The following CACNA1D variants were observed in gnomAD, a reference collection of about 807,000 sequenced individuals.
CACNA1D encodes the protein calcium voltage-gated channel subunit alpha1 D, also known as voltage-dependent L-type calcium channel subunit alpha-1D.
Under a neutral mutation model 257.1 loss-of-function variants are expected in CACNA1D, and 55 were observed. The ratio of observed to expected loss-of-function variants is 0.21; its 90% confidence interval spans 0.17 to 0.27. CACNA1D has a LOEUF of 0.27. CACNA1D is among the 10% of genes least tolerant of loss of function. The pLI is 1.00. For synonymous variants in CACNA1D, 980 were observed against 1,014.9 expected (o/e 0.97, Z 0.65); for missense variants, 1,876 against 2,784.0 (o/e 0.67, Z 7.34).
At chr3:53,733,862 C>CT (rs1199612005) in intron 19 of CACNA1D, among the ~76,000 whole-genome samples, 1 of 142,974 alleles carries the variant, frequency 7.0e-6, no homozygotes, top group Non-Finnish European at 1.5e-5. Context: ...TTTGGGTGTT[C>CT]TTTAAAAAAA....
chr3:53,790,846 G>A (rs539342696), intron 40 of CACNA1D: 55 of 640,952 alleles, frequency 8.6e-5, no homozygotes, highest in Non-Finnish European at 1.4e-4. Context: ...GTGGAGTTTT[G>A]TTTTGTTATT....
At chr3:53,733,966 A>G (rs1347821890) in intron 19 of CACNA1D, among the ~76,000 whole-genome samples, 2 of 140,342 alleles carry the variant, frequency 1.4e-5, no homozygotes, top group African/African-American at 5.5e-5. Context: ...GTATGTATGT[A>G]TGTATATGTA....
intron 3 of CACNA1D, among the ~76,000 whole-genome samples, chr3:53,543,090 T>C (rs1399815345): frequency 2.0e-5 from 2 of 102,132 alleles, no homozygotes; most frequent in Admixed American, 1.9e-4. Context: ...AATAATAAAA[T>C]TAAAAAAAAA....
At chr3:53,567,446 A>T (rs939497450) in intron 3 of CACNA1D, among the ~76,000 whole-genome samples, 4 of 152,216 alleles carry the variant, frequency 2.6e-5, no homozygotes, top group African/African-American at 9.6e-5. Context: ...TCAGACCTCA[A>T]AGTCTCTTCT....
chr3:53,758,089 G>C (rs533864897), intron 29 of CACNA1D, among the ~76,000 whole-genome samples: 1 of 152,194 alleles, frequency 6.6e-6, no homozygotes, highest in Non-Finnish European at 1.5e-5. Flanking sequence ...GATGATCCTG[G>C]AAGTGCAGCC....
Position 53,579,935 on chromosome 3 carries a change from A to C in CACNA1D, c.484-70844A>C, listed in dbSNP as rs569461057. Among the ~76,000 whole-genome samples the C allele has an allele frequency of 2.0e-5, 3 of 152,384 alleles. No homozygotes were observed. In the South Asian group the frequency reaches 6.2e-4, roughly 32 times the overall value. On this transcript the variant is annotated intron_variant, in intron 3 of 47. Coordinates refer to ENST00000350061, the MANE Select transcript of CACNA1D (RefSeq NM_001128840.3). Reference sequence around the variant, plus strand: ...GAAGCCGCTGATGGCCAGTGGGGCCAGGGCAGGGCTTGCGAAAAGATTCAA... The same window carrying C: ...GAAGCCGCTGATGGCCAGTGGGGCCCGGGCAGGGCTTGCGAAAAGATTCAA...
At chr3:53,671,365 C>T (rs905563665) in intron 7 of CACNA1D, among the ~76,000 whole-genome samples, 3 of 152,212 alleles carry the variant, frequency 2.0e-5, no homozygotes, top group African/African-American at 7.2e-5. Context: ...CTGCTGCATG[C>T]ACCTCTGTTC....
chr3:53,645,873 G>A (rs1430354879), intron 3 of CACNA1D, among the ~76,000 whole-genome samples: 1 of 152,142 alleles, frequency 6.6e-6, no homozygotes, highest in Non-Finnish European at 1.5e-5. Context: ...AGAAAGAAGG[G>A]AACAGGATGT....
At chr3:53,627,430 C>G (rs2093771840) in intron 3 of CACNA1D, among the ~76,000 whole-genome samples, 1 of 152,176 alleles carries the variant, frequency 6.6e-6, no homozygotes. Flanking sequence ...TGAGAGTTCC[C>G]TGGGGTCTGA....
In CACNA1D at chr3:53,761,777, C is replaced by T. The variant is rs41276449; in HGVS notation, c.3787-221C>T. ...GTGTGTGTGTGTGTATGCACACGTG[C>T]GTGTGTGCGTGGGCGTGCACCTTCT... On this transcript the variant is annotated intron_variant, in intron 29 of 47. Transcript: ENST00000350061. Among the ~76,000 whole-genome samples, 37,547 of 151,968 alleles carry T rather than the reference C, an allele frequency of 0.25. 6,034 individuals are homozygous for T. Among genetic ancestry groups the T allele is most frequent in the Non-Finnish European group, 0.36 (24,382 of 67,916 alleles).
chr3:53,644,691 A>G (rs1010566283), intron 3 of CACNA1D, among the ~76,000 whole-genome samples: 5 of 152,224 alleles, frequency 3.3e-5, no homozygotes, highest in East Asian at 3.8e-4. Context: ...TTGTGTATCT[A>G]TACCACATTT....
chr3:53,638,158 A>G (rs2093907781), intron 3 of CACNA1D, among the ~76,000 whole-genome samples: 1 of 152,198 alleles, frequency 6.6e-6, no homozygotes, highest in Non-Finnish European at 1.5e-5. Context: ...AGCCTTAGCA[A>G]TGAATGGAGT....
At chr3:53,730,390 C>T (rs1345989156) in intron 15 of CACNA1D, 52 bp from the exon 16 acceptor site, 26 of 1,222,124 alleles carry the variant, frequency 2.1e-5, no homozygotes, top group Admixed American at 1.0e-4. Flanking sequence ...CATTGTTGGC[C>T]GCACGTAGTT....
At chr3:53,725,218 C>G (rs764143470) in intron 14 of CACNA1D, among the ~76,000 whole-genome samples, 5 of 152,158 alleles carry the variant, frequency 3.3e-5, no homozygotes, top group African/African-American at 1.2e-4. Context: ...ACTGTACGTG[C>G]TGTTTTGCAT....
rs144268976 is a variant in CACNA1D, at chr3:53,728,202, A to G, written c.2221+1203A>G. Among the ~76,000 whole-genome samples the G allele has an allele frequency of 3.2e-3, 493 of 152,208 alleles. 3 individuals carry two copies. The highest frequency in any genetic ancestry group is 0.011 in the African/African-American group (462 of 41,542). On this transcript the variant is annotated intron_variant, in intron 15 of 47. Coordinates refer to ENST00000350061, the MANE Select transcript of CACNA1D (RefSeq NM_001128840.3). Reference sequence around the variant, plus strand: ...CAGGCTGGATGGAGTGCAGTGGTGCAATCTCGGCTCACTGCAACCTCCGCC... The same window carrying G: ...CAGGCTGGATGGAGTGCAGTGGTGCGATCTCGGCTCACTGCAACCTCCGCC...
At position 53,809,857 on chromosome 3, in the gene CACNA1D, C is replaced by T; in HGVS notation, c.5872-121C>T. On this transcript the variant is annotated intron_variant, in intron 46 of 47. Coordinates refer to ENST00000350061, the MANE Select transcript of CACNA1D (RefSeq NM_001128840.3). ...GTACTTCAGTGTGCCCATGTCCTTT[C>T]CAAGTCCTTGCCTGGACTGCCCCTG... is the stretch of plus-strand genomic sequence containing the variant. The T allele has an allele frequency of 4.5e-6, 4 of 883,206 alleles. No homozygotes were observed. In the East Asian group the frequency reaches 9.6e-5, roughly 21 times the overall value. 54.7% of individuals were successfully genotyped at this position (883,206 alleles called of 1,614,324 possible).
At position 53,722,343 on chromosome 3, in the gene CACNA1D, A is replaced by G. The variant is rs202097014; in HGVS notation, c.1535A>G (p.Asn512Ser). 26 of 1,614,120 alleles carry G rather than the reference A, an allele frequency of 1.6e-5. No homozygotes were observed. Among genetic ancestry groups the G allele is most frequent in the Admixed American group, 5.0e-5 (3 of 60,012 alleles). ...SRRWRRWNRF[N>S]RRRCRAAVKS... ...CGCTGGCGTCGCTGGAACCGATTCA[A>G]TCGCAGAAGATGTAGGGCCGCCGTG... is the stretch of plus-strand genomic sequence containing the variant. Residue 512 changes from asparagine to serine, a missense_variant, in exon 12 of 48, where the codon AAT (asparagine) becomes AGT (serine). This residue lies in a region of CACNA1D where 257 missense variants were observed against 399.7 expected (regional missense o/e 0.64). Coordinates refer to ENST00000350061, the MANE Select transcript of CACNA1D (RefSeq NM_001128840.3).
chr3:53,755,478 G>A (rs535941537), intron 29 of CACNA1D, among the ~76,000 whole-genome samples: 1 of 152,326 alleles, frequency 6.6e-6, no homozygotes, highest in South Asian at 2.1e-4. Context: ...GAGTTCAGTA[G>A]CGCGTGAACA....
chr3:53,798,332 TGTGTGC>T lies in CACNA1D; in HGVS notation c.4924-1911_4924-1906del, dbSNP rs1559706760. Among the ~76,000 whole-genome samples the T allele has an allele frequency of 1.5e-3, 226 of 150,934 alleles. 1 individual carries two copies. The highest frequency in any genetic ancestry group is 7.2e-3 in the East Asian group (37 of 5,134). On this transcript the variant is annotated intron_variant, in intron 40 of 47. Coordinates refer to ENST00000350061, the MANE Select transcript of CACNA1D (RefSeq NM_001128840.3). ...GCGTGTGTGTGTGTGTGTGTGCGTG[TGTGTGC>T]GTGTGTGTGTGCACGTGCACGCACG...
Sources: gnomAD v4.1 joint callset for allele counts (sites outside exome capture counted in the v4.1 genomes callset) on GRCh38, gnomAD v4.1.1 for gene constraint, gnomAD v4.1.1 regional missense constraint, MANE v1.5 for transcripts, NCBI Gene and HGNC (gene_info 2026-07-23, HGNC 2026-07-21) for gene names.